The following CHRNA7 variants were observed in gnomAD, a reference collection of about 807,000 sequenced individuals.
The protein encoded by CHRNA7 is cholinergic receptor nicotinic alpha 7 subunit.
A neutral mutation model predicts 48.0 loss-of-function variants in CHRNA7; 17 were observed. That is an observed-to-expected ratio of 0.35 (90% CI 0.24 to 0.53). CHRNA7 has a LOEUF of 0.53. Ranked by LOEUF, CHRNA7 falls within the 20% of genes least tolerant of loss-of-function variation. CHRNA7 has a pLI of 0.92. For synonymous variants in CHRNA7, 75 were observed against 242.3 expected (o/e 0.31, Z 6.41); for missense variants, 155 against 577.7 (o/e 0.27, Z 7.50).
At chr15:32,066,176 G>T (rs574672114) in intron 2 of CHRNA7, among the ~76,000 whole-genome samples, 1 of 152,282 alleles carries the variant, frequency 6.6e-6, no homozygotes, top group African/African-American at 2.4e-5. Context: ...CACAACAAAA[G>T]ATACAGACTT....
chr15:32,089,328 A>T, intron 2 of CHRNA7, among the ~76,000 whole-genome samples: 1 of 151,618 alleles, frequency 6.6e-6, no homozygotes, highest in Non-Finnish European at 1.5e-5. Flanking sequence ...TCTTTTTGCA[A>T]TTCAGTTTTG....
At chr15:32,081,599 G>C (rs2050216284) in intron 2 of CHRNA7, among the ~76,000 whole-genome samples, 1 of 151,924 alleles carries the variant, frequency 6.6e-6, no homozygotes, top group South Asian at 2.1e-4. Context: ...GCTTATTCCT[G>C]TCTACTAATG....
At chr15:32,048,041 A>T (rs2049587529) in intron 2 of CHRNA7, among the ~76,000 whole-genome samples, 1 of 152,186 alleles carries the variant, frequency 6.6e-6, no homozygotes, top group Non-Finnish European at 1.5e-5. Context: ...ATGGTGGATA[A>T]GCTTTTTGAT....
At chr15:32,096,563 A>C (rs529355462) in intron 2 of CHRNA7, among the ~76,000 whole-genome samples, 1 of 152,290 alleles carries the variant, frequency 6.6e-6, no homozygotes, top group South Asian at 2.1e-4. Flanking sequence ...TTTTCTCTGC[A>C]AACAAGAATT....
chr15:32,166,516 T>C (rs62004468), intron 9 of CHRNA7: 2,115 of 151,510 alleles, frequency 0.014, no homozygotes, highest in Admixed American at 0.049. Context: ...GTTGCAGTTA[T>C]CTTTGATAAG....
chr15:32,148,662 A>C (rs1259050443), intron 4 of CHRNA7, among the ~76,000 whole-genome samples: 2 of 152,228 alleles, frequency 1.3e-5, no homozygotes, highest in Non-Finnish European at 2.9e-5. Flanking sequence ...CTGAAAGCAC[A>C]GCTTGTAATC....
At position 32,149,873 on chromosome 15, in the gene CHRNA7, CT is replaced by C. The variant is rs1371158951; in HGVS notation, c.351-4023del. Reference sequence around the variant, plus strand: ...TGCTTGAAAGAAAGGCTTGTAGGAACTTTTTTTTTTTCAGAGTTGAATCACT... The same window carrying C: ...TGCTTGAAAGAAAGGCTTGTAGGAACTTTTTTTTTTCAGAGTTGAATCACT... On this transcript the variant is annotated intron_variant, in intron 4 of 9. Transcript: ENST00000306901. The surrounding 1 kb of genome is among the most constrained non-coding windows in gnomAD (Gnocchi z 4.6). Among the ~76,000 whole-genome samples, 43 of 146,666 alleles carry C rather than the reference CT, an allele frequency of 2.9e-4. No individual in the cohort carries two copies. The highest frequency in any genetic ancestry group is 1.2e-3 in the East Asian group (6 of 5,050).
At chr15:32,044,439 G>A (rs2049504220) in intron 2 of CHRNA7, among the ~76,000 whole-genome samples, 1 of 152,012 alleles carries the variant, frequency 6.6e-6, no homozygotes, top group South Asian at 2.1e-4. Flanking sequence ...CACCACGCCT[G>A]GCTAATTTTT....
intron 2 of CHRNA7, among the ~76,000 whole-genome samples, chr15:32,042,876 T>C (rs988353035): frequency 3.3e-5 from 5 of 152,208 alleles, no homozygotes; most frequent in African/African-American, 1.2e-4. Context: ...TTTTATAAGA[T>C]ACATTTCTTA....
At chr15:32,141,558 G>A (rs1043686058) in intron 4 of CHRNA7, among the ~76,000 whole-genome samples, 4 of 152,208 alleles carry the variant, frequency 2.6e-5, no homozygotes, top group African/African-American at 9.6e-5. Context: ...CCATGAGCAT[G>A]GAATGCTCTT....
intron 2 of CHRNA7, among the ~76,000 whole-genome samples, chr15:32,080,719 G>A (rs1469327291): frequency 1.3e-5 from 2 of 152,202 alleles, no homozygotes; most frequent in African/African-American, 2.4e-5. Flanking sequence ...TTCAACCATT[G>A]TGGAAGACAG....
chr15:32,126,544 C>T (rs904952), intron 4 of CHRNA7, among the ~76,000 whole-genome samples: 86,964 of 152,026 alleles, frequency 0.57, 25,550 homozygotes, highest in African/African-American at 0.7. Context: ...CTGTTCCTCG[C>T]TCCCTAAACT....
At chr15:32,090,506 A>C (rs992135381) in intron 2 of CHRNA7, among the ~76,000 whole-genome samples, 2 of 152,178 alleles carry the variant, frequency 1.3e-5, no homozygotes, top group African/African-American at 4.8e-5. Flanking sequence ...AAGCATTACC[A>C]CAAGTTCATA....
intron 4 of CHRNA7, among the ~76,000 whole-genome samples, chr15:32,144,481 G>T (rs993818436): frequency 4.6e-5 from 7 of 152,176 alleles, no homozygotes; most frequent in Admixed American, 2.6e-4. Context: ...GGTTGGGGAA[G>T]TTCTCCTGGA....
chr15:32,046,066 CATT>C (rs1471076692), intron 2 of CHRNA7, among the ~76,000 whole-genome samples: 1 of 151,742 alleles, frequency 6.6e-6, no homozygotes, highest in African/African-American at 2.4e-5. Flanking sequence ...TCCAGTCTAT[CATT>C]GTTGGACATT....
At chr15:32,063,622 G>A (rs1173013160) in intron 2 of CHRNA7, among the ~76,000 whole-genome samples, 1 of 152,118 alleles carries the variant, frequency 6.6e-6, no homozygotes, top group East Asian at 1.9e-4. Context: ...TTGACCACAT[G>A]ATTGAGCTAA....
At chr15:32,100,235 T>C (rs1413681883) in intron 2 of CHRNA7, 1 of 151,950 alleles carries the variant, frequency 6.6e-6, no homozygotes, top group Admixed American at 6.6e-5. Context: ...CCAGGCCAAG[T>C]AGATTCTATT....
chr15:32,036,263 C>T (rs1000239568), intron 2 of CHRNA7, among the ~76,000 whole-genome samples: 2 of 152,166 alleles, frequency 1.3e-5, no homozygotes, highest in South Asian at 2.1e-4. Flanking sequence ...GGCTTGATAG[C>T]TCACTCCTTT....
intron 2 of CHRNA7, among the ~76,000 whole-genome samples, chr15:32,050,418 A>G (rs375352195): frequency 1.3e-5 from 2 of 152,036 alleles, no homozygotes; most frequent in African/African-American, 4.8e-5. Context: ...GCTGATACCC[A>G]TTCTTCCAGT....
Sources: allele counts gnomAD v4.1 joint callset (sites outside exome capture counted in the v4.1 genomes callset), GRCh38; gene constraint gnomAD v4.1.1; non-coding constraint Gnocchi (gnomAD v3.1); transcripts MANE v1.5; gene names NCBI Gene and HGNC (gene_info 2026-07-23, HGNC 2026-07-21).